PTPRN2: variants seen among roughly 807,000 people sequenced by gnomAD.
PTPRN2 encodes receptor-type tyrosine-protein phosphatase N2.
In PTPRN2, 74 loss-of-function variants were observed where a neutral mutation model predicts 118.8. That is an observed-to-expected ratio of 0.62 (90% confidence interval 0.52 to 0.76). The LOEUF (loss-of-function observed/expected upper bound fraction) is 0.76. Ranked by LOEUF, PTPRN2 falls within the 30% of genes least tolerant of loss-of-function variation. PTPRN2 has a pLI of 0.00. For synonymous variants in PTPRN2, 641 were observed against 608.0 expected (o/e 1.05, Z -0.80); for missense variants, 1,481 against 1,394.4 (o/e 1.06, Z -0.99).
chr7:158,073,978 C>T (rs1268729441), intron 11 of PTPRN2, among the ~76,000 whole-genome samples: 1 of 152,174 alleles, frequency 6.6e-6, no homozygotes, highest in African/African-American at 2.4e-5. Context: ...AGCTCATCTC[C>T]AGTGGGCTAG....
At chr7:157,563,735 C>T (rs576843270) in intron 21 of PTPRN2, among the ~76,000 whole-genome samples, 25 of 147,862 alleles carry the variant, frequency 1.7e-4, no homozygotes, top group East Asian at 1.7e-3. Flanking sequence ...ATCAGGACCA[C>T]GTGCTCCCAC....
chr7:157,912,481 C>A (rs932604829), intron 11 of PTPRN2, among the ~76,000 whole-genome samples: 12 of 152,086 alleles, frequency 7.9e-5, no homozygotes, highest in Non-Finnish European at 1.6e-4. Flanking sequence ...TCTTAAAGTT[C>A]CTGGTTTTAA....
intron 18 of PTPRN2, 81 bp from the exon 19 acceptor site, chr7:157,576,860 G>T: frequency 7.2e-7 from 1 of 1,383,678 alleles, no homozygotes; most frequent in Non-Finnish European, 9.8e-7. Context: ...GGAACCCAGG[G>T]CCACGTCTGA....
chr7:158,309,877 G>C (rs1801567491), intron 3 of PTPRN2, among the ~76,000 whole-genome samples: 1 of 152,216 alleles, frequency 6.6e-6, no homozygotes, highest in Non-Finnish European at 1.5e-5. Flanking sequence ...AGGAGGTGAA[G>C]GCTTTGGGGG....
At chr7:158,297,885 C>T (rs916618282) in intron 3 of PTPRN2, among the ~76,000 whole-genome samples, 1 of 152,238 alleles carries the variant, frequency 6.6e-6, no homozygotes, top group African/African-American at 2.4e-5. Context: ...AGTTACAAAA[C>T]AAGTTGACTG....
At chr7:158,460,741 G>A (rs1251199353) in intron 2 of PTPRN2, among the ~76,000 whole-genome samples, 1 of 150,664 alleles carries the variant, frequency 6.6e-6, no homozygotes, top group Admixed American at 6.7e-5. Context: ...GTCAAGCCAT[G>A]GCCCCAGCTC....
At chr7:157,639,311 C>G (rs954686129) in intron 14 of PTPRN2, among the ~76,000 whole-genome samples, 1 of 152,204 alleles carries the variant, frequency 6.6e-6, no homozygotes, top group Middle Eastern at 3.2e-3. Flanking sequence ...GTTGGGGTTA[C>G]AGGTGTAAGC....
chr7:158,414,501 A>C (rs533674480), intron 2 of PTPRN2, among the ~76,000 whole-genome samples: 2 of 152,138 alleles, frequency 1.3e-5, no homozygotes, highest in Non-Finnish European at 2.9e-5. Flanking sequence ...TGAGGAAGAG[A>C]GCTGCAAAGG....
chr7:157,682,771 G>A lies in PTPRN2; in HGVS notation c.1955C>T (p.Ser652Leu), dbSNP rs1006374003. Residue 652 changes from serine to leucine, a missense_variant, in exon 13 of 23, where the codon TCG (serine) becomes TTG (leucine). Transcript: ENST00000389418. ...SSQHRLKEKL[S>L]GLGGDPGADA... Reference sequence around the variant, plus strand: ...TGCACCTGGGTCGCCCCCTAGTCCCGAGAGCTTCTCCTTCAGCCTGTGCTG... The same window carrying A: ...TGCACCTGGGTCGCCCCCTAGTCCCAAGAGCTTCTCCTTCAGCCTGTGCTG... 6 of 1,614,054 alleles carry A rather than the reference G, an allele frequency of 3.7e-6. No homozygotes were observed. Among genetic ancestry groups the A allele is most frequent in the South Asian group, 1.1e-5 (1 of 91,082 alleles).
At chr7:157,814,124 G>A (rs1404009850) in intron 12 of PTPRN2, among the ~76,000 whole-genome samples, 3 of 152,222 alleles carry the variant, frequency 2.0e-5, no homozygotes, top group Admixed American at 6.5e-5. Flanking sequence ...GGGACACGGC[G>A]AAGGGCCTTC....
At chr7:158,085,927 C>A (rs1335472269) in intron 10 of PTPRN2, among the ~76,000 whole-genome samples, 3 of 151,128 alleles carry the variant, frequency 2.0e-5, no homozygotes, top group Non-Finnish European at 4.4e-5. Context: ...CCATCCACAC[C>A]CATGACGCCC....
intron 2 of PTPRN2, among the ~76,000 whole-genome samples, chr7:158,467,873 T>C (rs1819504818): frequency 6.6e-6 from 1 of 152,190 alleles, no homozygotes. Flanking sequence ...AAGGCCCTGT[T>C]GATGTTTCTG....
chr7:158,448,398 G>A (rs1280309406), intron 2 of PTPRN2, among the ~76,000 whole-genome samples: 1 of 152,178 alleles, frequency 6.6e-6, no homozygotes, highest in Non-Finnish European at 1.5e-5. Flanking sequence ...ATCTGGGGAG[G>A]AGGAGGGAGG....
chr7:157,709,609 C>T (rs113873483), intron 12 of PTPRN2, among the ~76,000 whole-genome samples: 193 of 152,320 alleles, frequency 1.3e-3, no homozygotes, highest in African/African-American at 4.5e-3. Flanking sequence ...CCTCGCTCCA[C>T]GTTGTGCAGC....
intron 12 of PTPRN2, among the ~76,000 whole-genome samples, chr7:157,838,147 G>C (rs1288580478): frequency 6.7e-6 from 1 of 149,338 alleles, no homozygotes; most frequent in Admixed American, 6.6e-5. Context: ...ACGGGAGAAA[G>C]CTCCTCTCCA....
At chr7:157,680,209 G>A (rs1471096507) in intron 13 of PTPRN2, among the ~76,000 whole-genome samples, 1 of 152,124 alleles carries the variant, frequency 6.6e-6, no homozygotes, top group African/African-American at 2.4e-5. Flanking sequence ...TAAAGCATAA[G>A]ATCAAATTGT....
intron 3 of PTPRN2, among the ~76,000 whole-genome samples, chr7:158,224,378 A>C (rs1353194517): frequency 6.6e-6 from 1 of 152,252 alleles, no homozygotes; most frequent in Admixed American, 6.5e-5. Context: ...AAGACTGTGT[A>C]GTACTGATGA....
Position 158,178,601 on chromosome 7 carries a change from T to C in PTPRN2, c.550-11310A>G, listed in dbSNP as rs1039958908. On this transcript the variant is annotated intron_variant, in intron 5 of 22. Transcript: ENST00000389418. ...CTACATTTTCTTTCTTTTTTTTTTT[T>C]TTTTTTTTTTTTTTTAAGATGGAGT... Among the ~76,000 whole-genome samples, 29 of 140,886 alleles carry C rather than the reference T, an allele frequency of 2.1e-4. No individual in the cohort carries two copies. In the East Asian group the frequency reaches 5.1e-3, roughly 25 times the overall value. The allele number at this position is 140,886 out of a possible 152,430, so 92.4% of individuals were successfully genotyped here.
intron 11 of PTPRN2, among the ~76,000 whole-genome samples, chr7:157,904,304 C>T (rs909031121): frequency 7.9e-5 from 12 of 152,192 alleles, no homozygotes; most frequent in Admixed American, 7.2e-4. Flanking sequence ...CCCCACAGGC[C>T]GGTTCCTTCA....
Sources: gnomAD v4.1 joint callset for allele counts (sites outside exome capture counted in the v4.1 genomes callset) on GRCh38, gnomAD v4.1.1 for gene constraint, MANE v1.5 for transcripts, NCBI Gene and HGNC (gene_info 2026-07-23, HGNC 2026-07-21) for gene names.